The following TAF13 variants were observed in gnomAD, a reference collection of about 807,000 sequenced individuals.
TAF13 encodes TATA-box binding protein associated factor 13, also known as transcription initiation factor TFIID subunit 13.
A neutral mutation model predicts 18.7 loss-of-function variants in TAF13; 9 were observed. The ratio of observed to expected loss-of-function variants is 0.48; its 90% CI spans 0.29 to 0.84. The LOEUF is 0.84. Ranked by LOEUF, TAF13 falls within the 40% of genes least tolerant of loss-of-function variation. The pLI is 0.08. For synonymous variants in TAF13, 49 were observed against 44.1 expected (o/e 1.11, Z -0.44); for missense variants, 105 against 146.5 (o/e 0.72, Z 1.46).
At chr1:109,069,306 A>G (rs1664010336) in intron 2 of TAF13, among the ~76,000 whole-genome samples, 1 of 152,170 alleles carries the variant, frequency 6.6e-6, no homozygotes, top group Non-Finnish European at 1.5e-5. Flanking sequence ...CAGATGCTCA[A>G]ATCCCAGATA....
At chr1:109,074,846 C>T (rs1664154651) in intron 2 of TAF13, 141 bp downstream of exon 2, 1 of 656,636 alleles carries the variant, frequency 1.5e-6, no homozygotes, top group South Asian at 2.0e-5. Flanking sequence ...CTATCTGATT[C>T]AAAAGTTAAA....
intron 2 of TAF13, among the ~76,000 whole-genome samples, chr1:109,074,258 A>C (rs568015395): frequency 6.6e-6 from 1 of 152,338 alleles, no homozygotes; most frequent in East Asian, 1.9e-4. Context: ...TTGGGATGCT[A>C]TTAATCTATA....
At position 109,066,214 on chromosome 1, in the gene TAF13, C is replaced by T. The variant is rs374998773; in HGVS notation, c.125G>A (p.Gly42Asp). 2.2e-4 allele frequency: 359 copies of T among 1,611,214 alleles called. No homozygotes were observed. Among genetic ancestry groups the T allele is most frequent in the Non-Finnish European group, 2.9e-4 (343 of 1,179,108 alleles). The change falls in exon 3 of 4, where the codon GGC (glycine) becomes GAC (aspartate). Residue 42 changes from glycine (G) to aspartate (D), a missense_variant. By Grantham distance (94) the Gly-to-Asp change is moderately conservative (BLOSUM62 -1). Coordinates refer to ENST00000338366, the MANE Select transcript of TAF13 (RefSeq NM_005645.4). ...FSKELRCMMY[G>D]FGDDQNPYTE... Reference sequence around the variant, plus strand: ...ATAAGGATTCTGGTCATCCCCAAAGCCATACATCATACATCGCACTGTAAA... The same window carrying T: ...ATAAGGATTCTGGTCATCCCCAAAGTCATACATCATACATCGCACTGTAAA...
Position 109,075,910 on chromosome 1 carries a change from CG to C in TAF13, c.27+10del. 6.2e-7 allele frequency: 1 copy of C among 1,614,220 alleles called. No individual in the cohort carries two copies. On this transcript the variant is annotated intron_variant, in intron 1 of 3. Coordinates refer to ENST00000338366, the MANE Select transcript of TAF13 (RefSeq NM_005645.4). Reference sequence around the variant, plus strand: ...AGAAAAGACAGGTTTTGGACAGAGACGGTCACTCACCGTGGGGTCTTCTTCC... The same window carrying C: ...AGAAAAGACAGGTTTTGGACAGAGACGTCACTCACCGTGGGGTCTTCTTCC...
chr1:109,072,876 G>A (rs1353795599), intron 2 of TAF13, among the ~76,000 whole-genome samples: 2 of 150,890 alleles, frequency 1.3e-5, no homozygotes. Context: ...TGCCACCTGG[G>A]TTCAAGCGAG....
At chr1:109,065,641 G>A (rs1222545359) in intron 3 of TAF13, among the ~76,000 whole-genome samples, 1 of 152,002 alleles carries the variant, frequency 6.6e-6, no homozygotes, top group Non-Finnish European at 1.5e-5. Flanking sequence ...AAATGCAAGA[G>A]GCTGGGCGCG....
At chr1:109,070,117 T>G (rs1299889961) in intron 2 of TAF13, among the ~76,000 whole-genome samples, 1 of 152,210 alleles carries the variant, frequency 6.6e-6, no homozygotes, top group Non-Finnish European at 1.5e-5. Context: ...ATGTCCTTTT[T>G]CTGTTTCAGG....
chr1:109,064,510 A>T lies in TAF13; in HGVS notation c.*13T>A. The T allele has an allele frequency of 7.0e-7, 1 of 1,421,370 alleles. No homozygotes were observed. The highest frequency in any genetic ancestry group is 9.3e-7 in the Non-Finnish European group (1 of 1,079,380). 88.0% of individuals were successfully genotyped at this position (1,421,370 alleles called of 1,614,324 possible). A position where few individuals can be genotyped will look rare whatever the true frequency, so the allele number is the denominator to read the frequency against. Reference sequence around the variant, plus strand: ...TTTCCCCAGATGGTAATTTTCGGAAACTACAAAAAGTGTCAAGATCCATAA... The same window carrying T: ...TTTCCCCAGATGGTAATTTTCGGAATCTACAAAAAGTGTCAAGATCCATAA... On this transcript the variant is annotated 3_prime_UTR_variant, in exon 4 of 4. Transcript: ENST00000338366.
chr1:109,074,102 C>T (rs990765297), intron 2 of TAF13, among the ~76,000 whole-genome samples: 4 of 152,324 alleles, frequency 2.6e-5, no homozygotes, highest in African/African-American at 9.6e-5. Flanking sequence ...TGAGAACGGG[C>T]CATGATGACG....
At chr1:109,069,917 T>G (rs1179825090) in intron 2 of TAF13, among the ~76,000 whole-genome samples, 1 of 152,178 alleles carries the variant, frequency 6.6e-6, no homozygotes, top group Non-Finnish European at 1.5e-5. Flanking sequence ...TACTTTTTTT[T>G]GCCTTTTTAA....
At chr1:109,069,124 A>G (rs1211484230) in intron 2 of TAF13, among the ~76,000 whole-genome samples, 2 of 152,176 alleles carry the variant, frequency 1.3e-5, no homozygotes, top group Non-Finnish European at 2.9e-5. Context: ...TCAAAGGGGT[A>G]TATGTAAATG....
chr1:109,073,290 A>G (rs928848691), intron 2 of TAF13, among the ~76,000 whole-genome samples: 1 of 151,894 alleles, frequency 6.6e-6, no homozygotes, highest in Non-Finnish European at 1.5e-5. Context: ...CTGTAATCCC[A>G]GCACTTTGGG....
At chr1:109,067,725 G>A (rs1036840273) in intron 2 of TAF13, among the ~76,000 whole-genome samples, 1 of 152,136 alleles carries the variant, frequency 6.6e-6, no homozygotes, top group Non-Finnish European at 1.5e-5. Flanking sequence ...CTTATTATAT[G>A]CCAGGTACTG....
At chr1:109,072,875 G>T (rs1664100400) in intron 2 of TAF13, among the ~76,000 whole-genome samples, 1 of 151,450 alleles carries the variant, frequency 6.6e-6, no homozygotes, top group Non-Finnish European at 1.5e-5. Flanking sequence ...CTGCCACCTG[G>T]GTTCAAGCGA....
chr1:109,067,271 A>T (rs1283410803), intron 2 of TAF13, among the ~76,000 whole-genome samples: 1 of 152,060 alleles, frequency 6.6e-6, no homozygotes, highest in African/African-American at 2.4e-5. Flanking sequence ...AAGCCTGGGC[A>T]ACATGGCGAA....
At chr1:109,069,718 T>G (rs918643188) in intron 2 of TAF13, among the ~76,000 whole-genome samples, 5 of 151,744 alleles carry the variant, frequency 3.3e-5, no homozygotes, top group African/African-American at 7.3e-5. Context: ...TTAGAAGAAG[T>G]AAAAACTAGT....
chr1:109,066,333 T>C (rs1663950669), intron 2 of TAF13, 101 bp from the exon 3 acceptor site: 1 of 874,620 alleles, frequency 1.1e-6, no homozygotes, highest in Non-Finnish European at 1.8e-6. Context: ...TAGATAATAT[T>C]GGTATGAAAA....
intron 2 of TAF13, among the ~76,000 whole-genome samples, chr1:109,071,812 C>T (rs1201746566): frequency 2.0e-5 from 3 of 151,086 alleles, no homozygotes; most frequent in African/African-American, 4.9e-5. Context: ...ATTAGCTAGG[C>T]GTCGTGGCAT....
chr1:109,064,641 A>T lies in TAF13; in HGVS notation c.257T>A (p.Ile86Asn). 2 of 1,573,460 alleles carry T rather than the reference A, an allele frequency of 1.3e-6. No homozygotes were observed. The highest frequency in any genetic ancestry group is 1.7e-6 in the Non-Finnish European group (2 of 1,159,988). The change falls in exon 4 of 4, where the codon ATC (isoleucine) becomes AAC (asparagine). Residue 86 changes from isoleucine (I) to asparagine (N), a missense_variant. Physicochemically the swap from Ile to Asn is moderately radical, Grantham distance 149. Transcript: ENST00000338366. ...GRQGRVQVED[I>N]VFLIRKDPRK... ...TGGGTCCTTTCGAATCAAGAAGACG[A>T]TATCTTCAACTTGTACTCGACCTTG... is the stretch of plus-strand genomic sequence containing the variant.
Sources: gnomAD v4.1 joint callset for allele counts (sites outside exome capture counted in the v4.1 genomes callset) on GRCh38, gnomAD v4.1.1 for gene constraint, MANE v1.5 for transcripts, NCBI Gene and HGNC (gene_info 2026-07-23, HGNC 2026-07-21) for gene names.